Variants in PTPRD observed in about 807,000 individuals in gnomAD.
PTPRD encodes the protein receptor-type tyrosine-protein phosphatase delta.
A neutral mutation model predicts 214.5 loss-of-function variants in PTPRD; 34 were observed. The ratio of observed to expected loss-of-function variants is 0.16; its 90% confidence interval spans 0.12 to 0.21. PTPRD has a LOEUF of 0.21. Among genes scored for constraint, PTPRD ranks in the 10% least tolerant of loss-of-function variants. The pLI, the probability that PTPRD is intolerant of heterozygous loss-of-function variation, is 1.00. For missense variants in PTPRD, 2,545 were observed against 2,398.7 expected (o/e 1.06, Z -1.27); for synonymous variants, 1,128 against 845.7 (o/e 1.33, Z -5.79).
At chr9:9,225,025 T>C (rs981225695) in intron 9 of PTPRD, among the ~76,000 whole-genome samples, 1 of 152,064 alleles carries the variant, frequency 6.6e-6, no homozygotes, top group African/African-American at 2.4e-5. Flanking sequence ...TATACACGTA[T>C]ACTGGCATCT....
intron 43 of PTPRD, among the ~76,000 whole-genome samples, chr9:8,336,254 T>C (rs572114859): frequency 6.9e-4 from 103 of 148,594 alleles, no homozygotes; most frequent in African/African-American, 2.4e-3. Flanking sequence ...AAAACAGAGA[T>C]ATAGACCAAT....
chr9:10,258,014 G>C (rs1452799115), intron 3 of PTPRD, among the ~76,000 whole-genome samples: 2 of 152,192 alleles, frequency 1.3e-5, no homozygotes, highest in African/African-American at 4.8e-5. Flanking sequence ...CAGGAAGCTT[G>C]TGGGGAGAAG....
intron 9 of PTPRD, among the ~76,000 whole-genome samples, chr9:9,220,319 T>TTTTAA (rs1555012243): frequency 1.3e-5 from 2 of 148,546 alleles, no homozygotes; most frequent in African/African-American, 2.5e-5. Context: ...GCTTTTTTTT[T>TTTTAA]AAAAGCACTA....
chr9:9,069,851 G>A (rs2099741166), intron 10 of PTPRD, among the ~76,000 whole-genome samples: 1 of 152,170 alleles, frequency 6.6e-6, no homozygotes, highest in Non-Finnish European at 1.5e-5. Flanking sequence ...CTAAAGCAGT[G>A]CCAGATTGAA....
chr9:8,437,164 T>C (rs754249843), intron 34 of PTPRD: 5 of 1,462,128 alleles, frequency 3.4e-6, no homozygotes, highest in African/African-American at 1.4e-5. Context: ...ATAGTAAACA[T>C]AAAATGACTT....
chr9:9,626,651 A>C (rs1362766246), intron 7 of PTPRD, among the ~76,000 whole-genome samples: 3 of 152,230 alleles, frequency 2.0e-5, no homozygotes, highest in African/African-American at 7.2e-5. Flanking sequence ...ATGAGAACTG[A>C]GTATTTATGA....
intron 7 of PTPRD, among the ~76,000 whole-genome samples, chr9:9,655,570 A>G (rs897849246): frequency 4.0e-5 from 6 of 149,706 alleles, no homozygotes; most frequent in Non-Finnish European, 5.9e-5. Context: ...CTCCATCTCA[A>G]AGGGAAAACC....
At chr9:9,462,202 T>G (rs1414358958) in intron 8 of PTPRD, among the ~76,000 whole-genome samples, 1 of 152,144 alleles carries the variant, frequency 6.6e-6, no homozygotes, top group African/African-American at 2.4e-5. Flanking sequence ...CTTCAAAGTA[T>G]TATATAATTC....
intron 10 of PTPRD, among the ~76,000 whole-genome samples, chr9:9,060,657 C>G (rs1204222071): frequency 6.6e-6 from 1 of 151,490 alleles, no homozygotes; most frequent in African/African-American, 2.4e-5. Flanking sequence ...AGAAAAAAGC[C>G]AATCCAATAG....
chr9:10,116,942 G>A (rs908212726), intron 3 of PTPRD, among the ~76,000 whole-genome samples: 4 of 151,792 alleles, frequency 2.6e-5, no homozygotes, highest in African/African-American at 9.7e-5. Flanking sequence ...TTCAAATGTC[G>A]CCTTCTCTTT....
chr9:9,668,646 A>T (rs550580985), intron 7 of PTPRD, among the ~76,000 whole-genome samples: 5 of 152,238 alleles, frequency 3.3e-5, no homozygotes, highest in African/African-American at 1.2e-4. Flanking sequence ...TAAGCCATAA[A>T]CTTGCCCCTG....
intron 8 of PTPRD, among the ~76,000 whole-genome samples, chr9:9,480,842 G>T (rs1279485817): frequency 6.6e-6 from 1 of 152,068 alleles, no homozygotes; most frequent in Non-Finnish European, 1.5e-5. Flanking sequence ...GACTGTCTCT[G>T]ATATCATATT....
At chr9:8,466,402 C>G (rs2096545291) in intron 31 of PTPRD, among the ~76,000 whole-genome samples, 1 of 151,680 alleles carries the variant, frequency 6.6e-6, no homozygotes, top group Non-Finnish European at 1.5e-5. Flanking sequence ...TTAGTACTGC[C>G]CTGAAGAAAA....
chr9:9,075,881 G>A (rs372160650), intron 10 of PTPRD, among the ~76,000 whole-genome samples: 8 of 152,262 alleles, frequency 5.3e-5, no homozygotes, highest in African/African-American at 1.9e-4. Flanking sequence ...ACGTGTGCAT[G>A]TGTCTTTATA....
At chr9:8,710,767 G>C (rs561542090) in intron 12 of PTPRD, among the ~76,000 whole-genome samples, 141 of 152,186 alleles carry the variant, frequency 9.3e-4, no homozygotes, top group African/African-American at 3.3e-3. Context: ...AAATACTTTA[G>C]ATAAGTCTTA....
intron 41 of PTPRD, 100 bp from the exon 42 acceptor site, chr9:8,340,569 A>G (rs1851521807): frequency 1.7e-6 from 2 of 1,187,696 alleles, no homozygotes; most frequent in Admixed American, 2.6e-5. Flanking sequence ...AAAAAACGAA[A>G]ACATATTATT....
intron 3 of PTPRD, among the ~76,000 whole-genome samples, chr9:10,069,503 T>C (rs1165971440): frequency 6.6e-6 from 1 of 151,846 alleles, no homozygotes; most frequent in Non-Finnish European, 1.5e-5. Flanking sequence ...TCCAGTGGAG[T>C]TGCTCCCAGG....
At chr9:8,748,349 C>T (rs2093084779) in intron 11 of PTPRD, among the ~76,000 whole-genome samples, 1 of 151,732 alleles carries the variant, frequency 6.6e-6, no homozygotes, top group South Asian at 2.1e-4. Flanking sequence ...TAGGCAAAAA[C>T]AGGAGGTAAA....
At chr9:9,146,606 G>C (rs2099868990) in intron 10 of PTPRD, among the ~76,000 whole-genome samples, 1 of 152,098 alleles carries the variant, frequency 6.6e-6, no homozygotes, top group Non-Finnish European at 1.5e-5. Context: ...AGGGACCTTG[G>C]AGATTATTGC....
Sources: gnomAD v4.1 joint callset for allele counts (sites outside exome capture counted in the v4.1 genomes callset) on GRCh38, gnomAD v4.1.1 for gene constraint, MANE v1.5 for transcripts, NCBI Gene and HGNC (gene_info 2026-07-23, HGNC 2026-07-21) for gene names.